Variants in MRNIP observed in about 807,000 individuals in gnomAD.
MRNIP encodes MRN complex-interacting protein.
In MRNIP, 30 loss-of-function variants were observed where a neutral mutation model predicts 29.8. That is an observed-to-expected ratio of 1.01 (90% CI 0.75 to 1.36). The LOEUF (loss-of-function observed/expected upper bound fraction) is 1.36. Among genes scored for constraint, MRNIP ranks in the 40% most tolerant of loss-of-function variants. The pLI is 0.00. For missense variants in MRNIP, 459 were observed against 423.5 expected (o/e 1.08, Z -0.74); for synonymous variants, 201 against 164.1 (o/e 1.23, Z -1.72).
At chr5:179,858,131 A>G (rs1259807206) in intron 1 of MRNIP, among the ~76,000 whole-genome samples, 2 of 152,284 alleles carry the variant, frequency 1.3e-5, no homozygotes, top group African/African-American at 2.4e-5. Context: ...GTGTTAAGTG[A>G]TATCAAGCAG....
chr5:179,843,045 G>GGAAGGAAA (rs1758970743), intron 4 of MRNIP, among the ~76,000 whole-genome samples: 1 of 109,822 alleles, frequency 9.1e-6, no homozygotes, highest in South Asian at 3.1e-4. Context: ...GAGGAAAGAA[G>GGAAGGAAA]GAAGGAAGGA....
In MRNIP at chr5:179,837,808, G is replaced by C. The variant is rs768969990; in HGVS notation, c.615C>G (p.Ala205=). 3.7e-6 allele frequency: 6 copies of C among 1,613,770 alleles called. No individual in the cohort carries two copies. The highest frequency in any genetic ancestry group is 2.5e-6 in the Non-Finnish European group (3 of 1,180,030). Residue 205 remains alanine, a synonymous_variant, in exon 7 of 7, where the codon GCC becomes GCG. Coordinates refer to ENST00000292586, the MANE Select transcript of MRNIP (RefSeq NM_016175.4). ...CCTTCCCAGGACCCCTCAGCTCCCC[G>C]GCACTGCAGTCTGCAGAGTTCTCCT... The part of the protein sequence containing the change: ...CLQENSADCS[A]GELRGPGKEL...
chr5:179,841,118 C>T (rs1262515923), intron 5 of MRNIP, among the ~76,000 whole-genome samples, 159 bp from the exon 6 acceptor site: 1 of 152,204 alleles, frequency 6.6e-6, no homozygotes, highest in Non-Finnish European at 1.5e-5. Context: ...CCAGGCCCCA[C>T]TCCCCTGCTT....
chr5:179,853,641 G>C (rs902246882), intron 1 of MRNIP, among the ~76,000 whole-genome samples: 1 of 151,728 alleles, frequency 6.6e-6, no homozygotes, highest in South Asian at 2.1e-4. Flanking sequence ...GCATGGTGGC[G>C]GGCACCTGTA....
At chr5:179,839,080 GT>G (rs1007268857) in intron 6 of MRNIP, 1 of 151,654 alleles carries the variant, frequency 6.6e-6, no homozygotes, top group African/African-American at 2.4e-5. Flanking sequence ...GGGAAGCCCT[GT>G]CTCTACTAAA....
intron 3 of MRNIP, among the ~76,000 whole-genome samples, chr5:179,845,515 C>CA (rs1759091047): frequency 6.6e-6 from 1 of 150,926 alleles, no homozygotes; most frequent in South Asian, 2.1e-4. Context: ...TTTTTAAAGA[C>CA]AGAGTCTCAC....
rs1582034133 is a variant in MRNIP at position 179,837,847 on chromosome 5, G to A, written c.576C>T (p.Ser192=). 7 of 1,610,746 alleles carry A rather than the reference G, an allele frequency of 4.3e-6. No individual in the cohort carries two copies. The highest frequency in any genetic ancestry group is 5.9e-6 in the Non-Finnish European group (7 of 1,179,948). The change falls in exon 7 of 7, where the codon AGC becomes AGT. Residue 192 remains serine, a synonymous_variant. Coordinates refer to ENST00000292586, the MANE Select transcript of MRNIP (RefSeq NM_016175.4). The part of the protein sequence containing the change: ...AGLTWKVKQG[S]SPCLQENSAD... ...CAGAGTTCTCCTGGAGGCAGGGGCT[G>A]CTGCCTTGTTTCACCTTCCATGTCA...
intron 1 of MRNIP, among the ~76,000 whole-genome samples, chr5:179,855,347 T>C (rs562574412): frequency 1.4e-4 from 21 of 152,126 alleles, no homozygotes; most frequent in South Asian, 4.2e-4. Context: ...TTTCATCATG[T>C]TGGTCAGGCT....
intron 1 of MRNIP, among the ~76,000 whole-genome samples, chr5:179,855,450 A>G (rs956186621): frequency 6.6e-6 from 1 of 152,164 alleles, no homozygotes; most frequent in Non-Finnish European, 1.5e-5. Flanking sequence ...ATAATTTTTT[A>G]TCCGAAAACC....
At chr5:179,842,990 G>A (rs376554089) in intron 4 of MRNIP, among the ~76,000 whole-genome samples, 77 of 144,818 alleles carry the variant, frequency 5.3e-4, no homozygotes, top group Admixed American at 7.1e-4. Context: ...CTGAGATCAC[G>A]CCACTGCACT....
intron 2 of MRNIP, chr5:179,851,566 T>A (rs776841528): frequency 2.4e-6 from 1 of 413,350 alleles, no homozygotes; most frequent in Non-Finnish European, 4.9e-6. Flanking sequence ...GGACCGGGGA[T>A]GAAGTTCTGC....
At chr5:179,854,165 T>C (rs1561623436) in intron 1 of MRNIP, among the ~76,000 whole-genome samples, 1 of 151,606 alleles carries the variant, frequency 6.6e-6, no homozygotes, top group Non-Finnish European at 1.5e-5. Flanking sequence ...GGACTACAGG[T>C]GCCCGCCACC....
intron 5 of MRNIP, chr5:179,841,496 C>T: frequency 5.3e-6 from 1 of 188,912 alleles, no homozygotes; most frequent in Middle Eastern, 2.4e-3. Context: ...CTCCCTAGAT[C>T]CTTAACCTAA....
At chr5:179,853,346 G>A (rs762695729) in intron 2 of MRNIP, 32 bp downstream of exon 2, 12 of 1,607,156 alleles carry the variant, frequency 7.5e-6, no homozygotes, top group East Asian at 4.5e-5. Context: ...GCAGGCCTGC[G>A]CCCCACTTGC....
chr5:179,840,799 G>T, intron 6 of MRNIP, 73 bp downstream of exon 6: 2 of 1,132,132 alleles, frequency 1.8e-6, no homozygotes, highest in Non-Finnish European at 1.3e-6. Flanking sequence ...TTCGTCAACT[G>T]TGACAAAAGA....
intron 2 of MRNIP, among the ~76,000 whole-genome samples, chr5:179,849,411 T>A (rs198944): frequency 0.09 from 8,313 of 92,666 alleles, 276 homozygotes; most frequent in Middle Eastern, 0.21. Flanking sequence ...ATGGAATTTG[T>A]GACCATGGGT....
At chr5:179,855,906 TG>T (rs369606642) in intron 1 of MRNIP, among the ~76,000 whole-genome samples, 2,206 of 142,392 alleles carry the variant, frequency 0.015, 103 homozygotes, top group East Asian at 0.12. Context: ...TAAGAAAAGT[TG>T]TTTTTTTTTT....
intron 2 of MRNIP, 65 bp downstream of exon 2, chr5:179,853,313 G>T: frequency 1.2e-6 from 2 of 1,604,862 alleles, no homozygotes; most frequent in South Asian, 1.1e-5. Flanking sequence ...GTGGCATGCT[G>T]GGACTCCCTG....
intron 3 of MRNIP, 175 bp downstream of exon 3, chr5:179,847,803 C>G (rs1224895630): frequency 3.5e-6 from 2 of 572,168 alleles, no homozygotes; most frequent in African/African-American, 1.9e-5. Flanking sequence ...TCTAAACATC[C>G]CCGGGGTCGG....
Sources: gnomAD v4.1 joint callset for allele counts (sites outside exome capture counted in the v4.1 genomes callset) on GRCh38, gnomAD v4.1.1 for gene constraint, MANE v1.5 for transcripts, NCBI Gene and HGNC (gene_info 2026-07-23, HGNC 2026-07-21) for gene names.